The following CTNNA2 variants were observed in gnomAD, a reference collection of about 807,000 sequenced individuals.
CTNNA2 encodes the protein catenin alpha-2.
A neutral mutation model predicts 101.0 loss-of-function variants in CTNNA2; 42 were observed. The ratio of observed to expected loss-of-function variants is 0.42; its 90% CI spans 0.32 to 0.54. The LOEUF (loss-of-function observed/expected upper bound fraction) is 0.54, where lower values mean the gene tolerates loss of function less well. CTNNA2 is among the 20% of genes least tolerant of loss of function. The pLI is 0.14. For missense variants in CTNNA2, 871 were observed against 1,223.1 expected (o/e 0.71, Z 4.29); for synonymous variants, 450 against 456.4 (o/e 0.99, Z 0.18).
chr2:79,848,155 A>C (rs968459713), intron 3 of CTNNA2, among the ~76,000 whole-genome samples: 1 of 152,336 alleles, frequency 6.6e-6, no homozygotes, highest in South Asian at 2.1e-4. Flanking sequence ...TTGGCTGCTT[A>C]TATGCTTTAC....
chr2:80,079,540 C>T (rs1199629046), intron 7 of CTNNA2, among the ~76,000 whole-genome samples: 9 of 152,176 alleles, frequency 5.9e-5, no homozygotes, highest in South Asian at 4.1e-4. Flanking sequence ...TCCGGCTGGG[C>T]GCAGTGGCTC....
At chr2:80,491,386 T>C (rs1687047648) in intron 9 of CTNNA2, among the ~76,000 whole-genome samples, 1 of 152,242 alleles carries the variant, frequency 6.6e-6, no homozygotes, top group Non-Finnish European at 1.5e-5. Flanking sequence ...TGAAGACAGA[T>C]AGACAACGGT....
At chr2:80,185,981 A>T (rs1240744305) in intron 7 of CTNNA2, among the ~76,000 whole-genome samples, 1 of 152,218 alleles carries the variant, frequency 6.6e-6, no homozygotes, top group South Asian at 2.1e-4. Context: ...GAACACATTT[A>T]TGAAATGTCT....
intron 4 of CTNNA2, among the ~76,000 whole-genome samples, chr2:79,467,333 A>T (rs955494063): frequency 1.3e-5 from 2 of 152,214 alleles, no homozygotes; most frequent in Non-Finnish European, 2.9e-5. Flanking sequence ...GAGAAAAAAG[A>T]GAAAAAAGAA....
At chr2:79,294,941 C>T (rs1254921118) in intron 2 of CTNNA2, among the ~76,000 whole-genome samples, 1 of 151,874 alleles carries the variant, frequency 6.6e-6, no homozygotes, top group East Asian at 1.9e-4. Context: ...CTATTGTATA[C>T]AATGTCTTGA....
intron 2 of CTNNA2, among the ~76,000 whole-genome samples, chr2:79,670,885 T>G (rs1682791887): frequency 6.6e-6 from 1 of 152,240 alleles, no homozygotes; most frequent in Admixed American, 6.5e-5. Context: ...TAGTTCATGT[T>G]TCCTTTTCTT....
At position 79,430,160 on chromosome 2, in the gene CTNNA2, T is replaced by TA. The variant is rs528893442; in HGVS notation, c.-135+56149dup. Among the ~76,000 whole-genome samples, 184 of 152,228 alleles carry TA rather than the reference T, an allele frequency of 1.2e-3. 2 individuals carry two copies. The Middle Eastern group carries it at 0.031, about 25-fold the overall frequency. On this transcript the variant is annotated intron_variant, in intron 4 of 21. Coordinates refer to the CTNNA2 transcript ENST00000466387. ...ATTATTAGCCCATGTTTTAGTCCTA[T>TA]AAGTCATGGTCTCTGCCTCTCTGAG...
At chr2:79,947,690 G>T (rs1364024555) in intron 7 of CTNNA2, among the ~76,000 whole-genome samples, 1 of 152,150 alleles carries the variant, frequency 6.6e-6, no homozygotes, top group East Asian at 1.9e-4. Context: ...TATACTGGGT[G>T]CAGGGAGATG....
At chr2:80,080,017 G>A (rs1194692430) in intron 7 of CTNNA2, among the ~76,000 whole-genome samples, 2 of 152,022 alleles carry the variant, frequency 1.3e-5, no homozygotes, top group African/African-American at 4.8e-5. Flanking sequence ...ATAATGATTT[G>A]AGCCTTGCAC....
At chr2:79,629,740 G>C (rs1051347490) in intron 1 of CTNNA2, among the ~76,000 whole-genome samples, 1 of 152,140 alleles carries the variant, frequency 6.6e-6, no homozygotes, top group Admixed American at 6.5e-5. Flanking sequence ...ATGCTGAAGG[G>C]AAGCTCAGTG....
intron 9 of CTNNA2, among the ~76,000 whole-genome samples, chr2:80,422,859 A>C (rs1400532149): frequency 6.9e-6 from 1 of 144,310 alleles, no homozygotes; most frequent in African/African-American, 2.9e-5. Context: ...TTCACTGATA[A>C]AACAATGTGA....
At chr2:80,372,828 C>T (rs1675574312) in intron 7 of CTNNA2, among the ~76,000 whole-genome samples, 1 of 152,044 alleles carries the variant, frequency 6.6e-6, no homozygotes, top group African/African-American at 2.4e-5. Flanking sequence ...GAAAATTTTG[C>T]TCCCCCCTTC....
chr2:80,558,767 G>A (rs940328708), intron 12 of CTNNA2, among the ~76,000 whole-genome samples: 1 of 152,122 alleles, frequency 6.6e-6, no homozygotes, highest in African/African-American at 2.4e-5. Flanking sequence ...GAGGAAAGAT[G>A]AGGAGAAAGA....
At chr2:79,236,426 C>G (rs1055280940) in intron 2 of CTNNA2, among the ~76,000 whole-genome samples, 1 of 152,206 alleles carries the variant, frequency 6.6e-6, no homozygotes, top group Non-Finnish European at 1.5e-5. Context: ...AACCACTGCA[C>G]CTTTAAGTCA....
chr2:79,286,394 G>C (rs1453820222), intron 2 of CTNNA2, among the ~76,000 whole-genome samples: 1 of 152,164 alleles, frequency 6.6e-6, no homozygotes, highest in Non-Finnish European at 1.5e-5. Flanking sequence ...GCTGGTACCA[G>C]TTGTTCCTTT....
intron 3 of CTNNA2, among the ~76,000 whole-genome samples, chr2:79,815,688 T>C (rs1677434200): frequency 6.6e-6 from 1 of 152,178 alleles, no homozygotes; most frequent in African/African-American, 2.4e-5. Context: ...TGAAATCAGG[T>C]GGTGTGATGC....
intron 8 of CTNNA2, among the ~76,000 whole-genome samples, chr2:80,405,724 C>T (rs1573962229): frequency 6.6e-6 from 1 of 152,108 alleles, no homozygotes; most frequent in African/African-American, 2.4e-5. Flanking sequence ...GCAGACTTGC[C>T]TGGTGCATTC....
At chr2:79,722,773 G>A (rs1686573106) in intron 2 of CTNNA2, among the ~76,000 whole-genome samples, 1 of 151,948 alleles carries the variant, frequency 6.6e-6, no homozygotes, top group Non-Finnish European at 1.5e-5. Flanking sequence ...TGTCCTAATT[G>A]GTCCACAGGC....
chr2:80,385,961 C>A (rs1015904394), intron 7 of CTNNA2, among the ~76,000 whole-genome samples: 1 of 152,026 alleles, frequency 6.6e-6, no homozygotes, highest in African/African-American at 2.4e-5. Context: ...TTGGGAGTTA[C>A]GAGGGCTGCT....
Sources: allele counts gnomAD v4.1 joint callset (sites outside exome capture counted in the v4.1 genomes callset), GRCh38; gene constraint gnomAD v4.1.1; transcripts MANE v1.5; gene names NCBI Gene and HGNC (gene_info 2026-07-23, HGNC 2026-07-21).